COL5A2: variants seen among roughly 807,000 people sequenced by gnomAD.
The protein encoded by COL5A2 is collagen type V alpha 2 chain, also known as collagen alpha-2(V) chain.
COL5A2 carries 23 observed loss-of-function variants against 208.2 expected under a neutral mutation model. The observed-to-expected ratio is 0.11, with a 90% confidence interval of 0.08 to 0.16. The LOEUF (loss-of-function observed/expected upper bound fraction) is 0.16, where lower values mean the gene tolerates loss of function less well. Ranked by LOEUF, COL5A2 falls within the 10% of genes least tolerant of loss-of-function variation. The pLI is 1.00. For synonymous variants in COL5A2, 625 were observed against 628.5 expected (o/e 0.99, Z 0.08); for missense variants, 1,590 against 1,956.4 (o/e 0.81, Z 3.53).
At chr2:189,276,306 A>G in the COL5A2 span, among the ~76,000 whole-genome samples, 1 of 152,194 alleles carries the variant, frequency 6.6e-6, no homozygotes, top group Non-Finnish European at 1.5e-5. Flanking sequence ...GTTGAAGATG[A>G]TTGTGTTAGG....
At chr2:189,320,495 T>C in the COL5A2 span, among the ~76,000 whole-genome samples, 1 of 152,286 alleles carries the variant, frequency 6.6e-6, no homozygotes, top group South Asian at 2.1e-4. Flanking sequence ...CTGAAAACCA[T>C]GGCACGAGAA....
At chr2:189,115,750 G>A (rs867328959) in intron 1 of COL5A2, among the ~76,000 whole-genome samples, 2 of 152,132 alleles carry the variant, frequency 1.3e-5, no homozygotes, top group South Asian at 2.1e-4. Context: ...TATATAATCC[G>A]TCTTTGATAA....
Position 189,092,370 on chromosome 2 carries a change from T to C in COL5A2, c.507A>G (p.Gln169=), listed in dbSNP as rs1488633067. ...GTCCAGGAGGTCCTGGAGCACCAGG[T>C]TGACCAGGAACACCTGGTTCTCCAT... is the stretch of plus-strand genomic sequence containing the variant. The part of the protein sequence containing the change: ...GIDGEPGVPG[Q]PGAPGPPGHP... Residue 169 remains glutamine, a synonymous_variant, in exon 7 of 54, where the codon CAA becomes CAG. Coordinates refer to ENST00000374866, the MANE Select transcript of COL5A2 (RefSeq NM_000393.5). 1.9e-6 allele frequency: 3 copies of C among 1,609,076 alleles called. No homozygotes were observed. Among genetic ancestry groups the C allele is most frequent in the African/African-American group, 1.3e-5 (1 of 74,846 alleles).
the COL5A2 span, among the ~76,000 whole-genome samples, chr2:189,392,240 T>A: frequency 6.6e-6 from 1 of 152,040 alleles, no homozygotes; most frequent in East Asian, 1.9e-4. Flanking sequence ...GCCAATGCAA[T>A]CCCTAGAATG....
intron 50 of COL5A2, 102 bp from the exon 51 acceptor site, chr2:189,039,665 G>A (rs1685517739): frequency 4.4e-6 from 5 of 1,149,046 alleles, no homozygotes; most frequent in Non-Finnish European, 6.2e-6. Flanking sequence ...ACTCCAATTT[G>A]ACAGTAAAGG....
intron 8 of COL5A2, 83 bp from the exon 9 acceptor site, chr2:189,086,853 A>G: frequency 8.2e-7 from 1 of 1,218,766 alleles, no homozygotes; most frequent in South Asian, 1.3e-5. Flanking sequence ...TCATCTCTAG[A>G]ATCTGGAAAA....
At chr2:189,058,611 C>T (rs532121224) in intron 32 of COL5A2, 84 bp from the exon 33 acceptor site, 37 of 1,256,132 alleles carry the variant, frequency 2.9e-5, no homozygotes, top group East Asian at 1.4e-4. Context: ...GCTTCTACTG[C>T]GGAAAAATTC....
chr2:189,172,701 T>C (rs891933106), intron 1 of COL5A2, among the ~76,000 whole-genome samples: 14 of 152,182 alleles, frequency 9.2e-5, no homozygotes, highest in African/African-American at 3.4e-4. Flanking sequence ...AACGAGGCTA[T>C]GATGCTTACG....
intron 1 of COL5A2, among the ~76,000 whole-genome samples, chr2:189,126,167 T>C (rs1307251375): frequency 1.3e-5 from 2 of 152,066 alleles, no homozygotes; most frequent in African/African-American, 2.4e-5. Context: ...TTAACAATCA[T>C]TCAGCTTGTT....
chr2:189,183,807 T>C (rs908568796), upstream of COL5A2, among the ~76,000 whole-genome samples: 4 of 152,202 alleles, frequency 2.6e-5, no homozygotes, highest in African/African-American at 9.7e-5. Context: ...TGCATGCCTA[T>C]TTCTTGGTTC....
At chr2:189,322,439 A>G in the COL5A2 span, among the ~76,000 whole-genome samples, 5 of 152,218 alleles carry the variant, frequency 3.3e-5, no homozygotes, top group South Asian at 8.3e-4. Context: ...AGCAAGACTA[A>G]TAAAGAAGAA....
chr2:189,227,534 C>T (rs767058184), upstream of COL5A2, among the ~76,000 whole-genome samples: 4 of 151,892 alleles, frequency 2.6e-5, no homozygotes, highest in South Asian at 2.1e-4. Flanking sequence ...AGATATTTGA[C>T]GTAATCGGTA....
At chr2:189,052,854 G>T in intron 39 of COL5A2, 52 bp from the exon 40 acceptor site, 1 of 1,610,736 alleles carries the variant, frequency 6.2e-7, no homozygotes, top group East Asian at 2.2e-5. Context: ...GAGGCTGAAT[G>T]TACACTCCAA....
chr2:189,272,036 T>TA, the COL5A2 span, among the ~76,000 whole-genome samples: 7 of 152,140 alleles, frequency 4.6e-5, no homozygotes, highest in African/African-American at 1.7e-4. Context: ...ATTGTGGAGA[T>TA]ATAGGAACGC....
intron 1 of COL5A2, among the ~76,000 whole-genome samples, chr2:189,191,409 G>A (rs968173734): frequency 2.0e-5 from 3 of 152,090 alleles, no homozygotes; most frequent in Admixed American, 6.6e-5. Flanking sequence ...GGGAGGCTGA[G>A]GTGGGTAGAT....
At chr2:189,104,219 TA>T in intron 3 of COL5A2, 44 bp downstream of exon 3, 1 of 1,399,770 alleles carries the variant, frequency 7.1e-7, no homozygotes, top group Non-Finnish European at 1.0e-6. Context: ...TAGTATTGGA[TA>T]TAAGTCTGCT....
At chr2:189,399,981 G>A in the COL5A2 span, among the ~76,000 whole-genome samples, 8 of 152,252 alleles carry the variant, frequency 5.3e-5, no homozygotes, top group East Asian at 1.5e-3. Context: ...AATTACAGGT[G>A]TGAGCCACCA....
chr2:189,073,452 C>T (rs1286916380), intron 17 of COL5A2, among the ~76,000 whole-genome samples: 3 of 152,012 alleles, frequency 2.0e-5, no homozygotes, highest in Non-Finnish European at 4.4e-5. Flanking sequence ...CATTGATGAC[C>T]CTGTGAAATC....
At chr2:189,078,069 A>C (rs116063467) in intron 16 of COL5A2, among the ~76,000 whole-genome samples, 14 of 152,284 alleles carry the variant, frequency 9.2e-5, no homozygotes, top group African/African-American at 3.4e-4. Context: ...GGAGGCTCAC[A>C]TCTTTCAAAG....
Sources: allele counts gnomAD v4.1 joint callset (sites outside exome capture counted in the v4.1 genomes callset), GRCh38; gene constraint gnomAD v4.1.1; transcripts MANE v1.5; gene names NCBI Gene and HGNC (gene_info 2026-07-23, HGNC 2026-07-21).